The following FAM20C variants were observed in gnomAD, a reference collection of about 807,000 sequenced individuals.
FAM20C encodes the protein FAM20C golgi associated secretory pathway kinase, also known as extracellular serine/threonine protein kinase FAM20C.
Under a neutral mutation model 51.5 loss-of-function variants are expected in FAM20C, and 40 were observed. The ratio of observed to expected loss-of-function variants is 0.78; its 90% CI spans 0.60 to 1.01. The LOEUF is 1.01. FAM20C is among the 50% of genes least tolerant of loss of function. FAM20C has a pLI of 0.00. For missense variants in FAM20C, 861 were observed against 844.7 expected (o/e 1.02, Z -0.24); for synonymous variants, 406 against 380.6 (o/e 1.07, Z -0.78).
intron 1 of FAM20C, among the ~76,000 whole-genome samples, chr7:194,775 C>CGT (rs201188601): frequency 1.3e-4 from 15 of 114,164 alleles, no homozygotes; most frequent in Non-Finnish European, 2.5e-4. Flanking sequence ...TATCCTAGCC[C>CGT]CCCACCCCGC....
intron 1 of FAM20C, among the ~76,000 whole-genome samples, chr7:194,453 A>G (rs1785750788): frequency 1.4e-5 from 2 of 141,714 alleles, no homozygotes; most frequent in Admixed American, 7.2e-5. Context: ...CAAAACAAGC[A>G]GATGCTACAC....
intron 3 of FAM20C, among the ~76,000 whole-genome samples, chr7:231,189 G>A (rs1224767718): frequency 6.6e-6 from 1 of 152,196 alleles, no homozygotes; most frequent in South Asian, 2.1e-4. Context: ...ATGCAGACGG[G>A]AGACAGGAGT....
At position 208,980 on chromosome 7, in the gene FAM20C, A is replaced by C. The variant is rs1474634304; in HGVS notation, c.863+4A>C. On this transcript the variant is annotated splice_donor_region_variant and intron_variant, in intron 3 of 9. Coordinates refer to ENST00000313766, the MANE Select transcript of FAM20C (RefSeq NM_020223.4). Reference sequence around the variant, plus strand: ...AAGCGCTGTTCAAACCCATGAAGTAAGTGCCGAGGCCTGTGGGCTGGGGCG... The same window carrying C: ...AAGCGCTGTTCAAACCCATGAAGTACGTGCCGAGGCCTGTGGGCTGGGGCG... The C allele has an allele frequency of 6.3e-7, 1 of 1,577,308 alleles. No homozygotes were observed. Among genetic ancestry groups the C allele is most frequent in the East Asian group, 2.3e-5 (1 of 42,858 alleles).
At chr7:251,630 C>T (rs938887079) in intron 5 of FAM20C, among the ~76,000 whole-genome samples, 3 of 152,200 alleles carry the variant, frequency 2.0e-5, no homozygotes, top group African/African-American at 2.4e-5. Flanking sequence ...AGGCCAGGGA[C>T]GGTGGTCACC....
intron 3 of FAM20C, among the ~76,000 whole-genome samples, chr7:233,186 C>T (rs948192439): frequency 2.6e-5 from 4 of 152,188 alleles, no homozygotes; most frequent in Admixed American, 1.3e-4. Context: ...CCCGTGAGGA[C>T]GCGTCGCCTG....
chr7:257,026 A>G lies in FAM20C; in HGVS notation c.1385A>G (p.Tyr462Cys). The change falls in exon 8 of 10, where the codon TAC becomes TGC. Residue 462 changes from tyrosine to cysteine, a missense_variant. Tyr to Cys is a radical substitution (Grantham distance 194, BLOSUM62 -2). Around this residue, in one of 3 missense-constraint regions of FAM20C, gnomAD observed 269 missense variants for 283.8 expected, o/e 0.95. Transcript: ENST00000313766. ...FLMGNMDRHH[Y>C]ETFEKFGNET... ...GCAGGAAACATGGACCGTCACCACT[A>G]CGAGACTTTTGAGAAGTTTGGGAAT... 1 of 1,537,090 alleles carries G rather than the reference A, an allele frequency of 6.5e-7. No homozygotes were observed. Among genetic ancestry groups the G allele is most frequent in the Non-Finnish European group, 8.7e-7 (1 of 1,146,876 alleles).
chr7:231,225 G>A (rs59935976), intron 3 of FAM20C, among the ~76,000 whole-genome samples: 17,154 of 152,140 alleles, frequency 0.11, 1,884 homozygotes, highest in African/African-American at 0.28. Context: ...TCTGTTCCGG[G>A]GCAGCGAGGA....
chr7:248,733 G>GGCAT, intron 5 of FAM20C, among the ~76,000 whole-genome samples: 1 of 140,916 alleles, frequency 7.1e-6, no homozygotes, highest in African/African-American at 2.7e-5. Flanking sequence ...AGCCTGGCAT[G>GGCAT]GGGAGCCCAC....
intron 8 of FAM20C, among the ~76,000 whole-genome samples, chr7:258,309 A>G (rs373294400): frequency 0.12 from 1,320 of 10,892 alleles, 65 homozygotes; most frequent in Middle Eastern, 0.21. Context: ...GATGGGTGGG[A>G]TGGACCCACT....
Position 192,749 on chromosome 7 carries a change from CCGCCCGCCCGG to C in FAM20C, c.-446_-436del, listed in dbSNP as rs1324237170. Among the ~76,000 whole-genome samples, 1 of 148,724 alleles carries C rather than the reference CCGCCCGCCCGG, an allele frequency of 6.7e-6. No homozygotes were observed. Among genetic ancestry groups the C allele is most frequent in the Non-Finnish European group, 1.5e-5 (1 of 66,514 alleles). On this transcript the variant is annotated 5_prime_UTR_variant, in exon 1 of 10. Coordinates refer to ENST00000313766, the MANE Select transcript of FAM20C (RefSeq NM_020223.4). ...CCCGGAGGAGCCGCCCCTTCCCCGC[CCGCCCGCCCGG>C]CGCCTGGAGAGGAGCGCGCTGAGGA...
intron 3 of FAM20C, among the ~76,000 whole-genome samples, chr7:237,396 T>C (rs1239812552): frequency 6.6e-6 from 1 of 152,224 alleles, no homozygotes; most frequent in African/African-American, 2.4e-5. Flanking sequence ...CAGGTGATAA[T>C]AGTGCAGTAT....
At chr7:222,654 T>C (rs574619646) in intron 3 of FAM20C, among the ~76,000 whole-genome samples, 1 of 151,932 alleles carries the variant, frequency 6.6e-6, no homozygotes, top group Non-Finnish European at 1.5e-5. Flanking sequence ...GGCCCTGAGG[T>C]GCCAACCAAA....
chr7:258,304 GTGGGATGGACCCACTGCCCGGGGT>G (rs1562401831), intron 8 of FAM20C, among the ~76,000 whole-genome samples: 32 of 64,018 alleles, frequency 5.0e-4, no homozygotes, highest in African/African-American at 7.1e-4. Flanking sequence ...CTGGAGATGG[GTGGGATGGACCCACTGCCCGGGGT>G]GCTGGAGATG....
At chr7:214,868 C>G (rs1213401586) in intron 3 of FAM20C, among the ~76,000 whole-genome samples, 2 of 152,196 alleles carry the variant, frequency 1.3e-5, no homozygotes, top group African/African-American at 4.8e-5. Flanking sequence ...GCCCATGACA[C>G]TGGCTGTGAC....
At chr7:220,654 C>T (rs1219136981) in intron 3 of FAM20C, among the ~76,000 whole-genome samples, 2 of 152,128 alleles carry the variant, frequency 1.3e-5, no homozygotes, top group South Asian at 4.1e-4. Flanking sequence ...CAGCAGGGGG[C>T]GGTCTGGAGA....
At chr7:258,213 A>T (rs867591742) in intron 8 of FAM20C, among the ~76,000 whole-genome samples, 3 of 38,200 alleles carry the variant, frequency 7.9e-5, no homozygotes, top group African/African-American at 2.6e-4. Flanking sequence ...GGACCCACTG[A>T]CTGGGGTGCT....
At chr7:235,487 C>T (rs1787820264) in intron 3 of FAM20C, among the ~76,000 whole-genome samples, 1 of 152,060 alleles carries the variant, frequency 6.6e-6, no homozygotes, top group Admixed American at 6.5e-5. Flanking sequence ...TCTATTCCAC[C>T]CTGCACATAG....
At chr7:211,521 C>T (rs950831233) in intron 3 of FAM20C, among the ~76,000 whole-genome samples, 5 of 152,112 alleles carry the variant, frequency 3.3e-5, no homozygotes, top group Admixed American at 6.5e-5. Flanking sequence ...CAGGGGACCT[C>T]CCATGGTCCT....
At chr7:256,798 C>G in intron 7 of FAM20C, 35 bp downstream of exon 7, 1 of 1,523,584 alleles carries the variant, frequency 6.6e-7, no homozygotes. Context: ...CCCCGTGTCA[C>G]TCGCCTTGCG....
Sources: allele counts gnomAD v4.1 joint callset (sites outside exome capture counted in the v4.1 genomes callset), GRCh38; gene constraint gnomAD v4.1.1; regional missense constraint gnomAD v4.1.1; transcripts MANE v1.5; gene names NCBI Gene and HGNC (gene_info 2026-07-23, HGNC 2026-07-21).